Variants in SNRPN observed in about 807,000 individuals in gnomAD.
The protein encoded by SNRPN is small nuclear ribonucleoprotein polypeptide N.
In SNRPN, 7 loss-of-function variants were observed where a neutral mutation model predicts 25.2. The observed-to-expected ratio is 0.28, with a 90% CI of 0.16 to 0.52. SNRPN has a LOEUF of 0.52. SNRPN is among the 20% of genes least tolerant of loss of function. The pLI is 0.96. For synonymous variants in SNRPN, 124 were observed against 110.6 expected (o/e 1.12, Z -0.76); for missense variants, 196 against 322.5 (o/e 0.61, Z 3.00).
intron 3 of SNRPN, among the ~76,000 whole-genome samples, chr15:24,946,319 A>T (rs2153130702): frequency 6.6e-6 from 1 of 152,236 alleles, no homozygotes; most frequent in South Asian, 2.1e-4. Flanking sequence ...AGGTGGGAGG[A>T]TAGCTTCAGC....
chr15:24,931,838 CAAAAAAAAAAAA>C (rs71127026), intron 3 of SNRPN, among the ~76,000 whole-genome samples: 13 of 42,980 alleles, frequency 3.0e-4, no homozygotes, highest in African/African-American at 1.3e-3. Context: ...GAACCTGTCT[CAAAAAAAAAAAA>C]AAAAAAAAAA....
intron 1 of SNRPN, among the ~76,000 whole-genome samples, chr15:24,859,382 C>T (rs2053771325): frequency 6.6e-6 from 1 of 152,042 alleles, no homozygotes. Context: ...AGATTGTATT[C>T]CACTAGAGGA....
chr15:24,862,941 C>T (rs1168666140), intron 1 of SNRPN, among the ~76,000 whole-genome samples: 2 of 150,814 alleles, frequency 1.3e-5, no homozygotes, highest in Non-Finnish European at 2.9e-5. Flanking sequence ...GAAGGACAGA[C>T]CATAAAGGGC....
At chr15:24,857,587 A>ATT (rs5811364) in intron 1 of SNRPN, among the ~76,000 whole-genome samples, 46 of 150,056 alleles carry the variant, frequency 3.1e-4, no homozygotes, top group South Asian at 2.1e-3. Context: ...GTATTTGGGA[A>ATT]TTTTTTTTTT....
intron 1 of SNRPN, among the ~76,000 whole-genome samples, chr15:24,874,077 A>G (rs12905293): frequency 6.6e-6 from 1 of 151,554 alleles, no homozygotes; most frequent in African/African-American, 2.4e-5. Flanking sequence ...TTGGGAGGCC[A>G]AGGCTGGCAG....
chr15:24,931,550 C>T (rs1402344311), intron 3 of SNRPN, among the ~76,000 whole-genome samples: 1 of 151,480 alleles, frequency 6.6e-6, no homozygotes, highest in Non-Finnish European at 1.5e-5. Flanking sequence ...ACATCAAGAC[C>T]TAGGCTGGGC....
At chr15:24,850,670 C>T (rs949465718) in intron 2 of SNRPN, 1 of 152,174 alleles carries the variant, frequency 6.6e-6, no homozygotes, top group African/African-American at 2.4e-5. Context: ...CTTCCTTCAT[C>T]AAGGGAGCAA....
chr15:24,903,481 G>T (rs544031701), intron 2 of SNRPN, among the ~76,000 whole-genome samples: 13 of 152,244 alleles, frequency 8.5e-5, no homozygotes, highest in Admixed American at 6.5e-4. Context: ...AAGGAAAACG[G>T]TCAAAAACTT....
chr15:24,833,836 T>G (rs763640373), intron 2 of SNRPN, among the ~76,000 whole-genome samples: 1 of 152,078 alleles, frequency 6.6e-6, no homozygotes, highest in African/African-American at 2.4e-5. Flanking sequence ...ACGGTAGGTG[T>G]GTCTGGGCTG....
intron 1 of SNRPN, among the ~76,000 whole-genome samples, chr15:24,956,144 A>T (rs1161535827): frequency 1.3e-5 from 2 of 152,116 alleles, no homozygotes; most frequent in East Asian, 3.9e-4. Context: ...GACTGGAATG[A>T]TGTGCAGAAC....
intron 2 of SNRPN, chr15:24,909,268 A>G (rs560890008): frequency 1.4e-5 from 23 of 1,599,488 alleles, no homozygotes; most frequent in Middle Eastern, 1.7e-4. Context: ...CCTTGCTTTC[A>G]GAACCATAAC....
At chr15:24,832,122 C>T (rs550697743) in intron 2 of SNRPN, among the ~76,000 whole-genome samples, 1 of 151,856 alleles carries the variant, frequency 6.6e-6, no homozygotes, top group African/African-American at 2.4e-5. Flanking sequence ...TTCCCACCGA[C>T]AGTACACATG....
At chr15:24,881,460 GGC>G (rs2056594176) in intron 1 of SNRPN, among the ~76,000 whole-genome samples, 1 of 151,514 alleles carries the variant, frequency 6.6e-6, no homozygotes. Context: ...GAACCTGGGA[GGC>G]AGAGGTTGCA....
intron 1 of SNRPN, among the ~76,000 whole-genome samples, chr15:24,868,787 A>G (rs946389995): frequency 6.6e-6 from 1 of 152,208 alleles, no homozygotes; most frequent in Admixed American, 6.5e-5. Context: ...ATATGCATTA[A>G]TTTAGACACA....
intron 7 of SNRPN, among the ~76,000 whole-genome samples, chr15:24,977,504 G>A (rs559056940): frequency 6.6e-6 from 1 of 152,060 alleles, no homozygotes; most frequent in Admixed American, 6.5e-5. Flanking sequence ...GCTGTGTGTG[G>A]TGGTGGGTGC....
chr15:24,848,844 T>G (rs967363887), intron 2 of SNRPN: 5 of 152,072 alleles, frequency 3.3e-5, no homozygotes, highest in African/African-American at 1.2e-4. Context: ...ATACCGTGTT[T>G]TAAGAAAAAA....
intron 3 of SNRPN, among the ~76,000 whole-genome samples, chr15:24,923,340 G>T (rs914677073): frequency 1.3e-5 from 2 of 152,148 alleles, no homozygotes; most frequent in African/African-American, 4.8e-5. Context: ...TCTGTAACTG[G>T]TAGTGGAATT....
intron 3 of SNRPN, among the ~76,000 whole-genome samples, chr15:24,972,072 G>A (rs142697035): frequency 2.3e-3 from 344 of 152,104 alleles, no homozygotes; most frequent in African/African-American, 7.9e-3. Context: ...CCTGGCCAAC[G>A]TAGCGAAATT....
chr15:24,971,011 C>T (rs2554428), intron 3 of SNRPN, among the ~76,000 whole-genome samples: 47,784 of 152,000 alleles, frequency 0.31, 7,906 homozygotes, highest in East Asian at 0.52. Flanking sequence ...CATGGTGTGT[C>T]TCATTTGCTA....
Sources: allele counts gnomAD v4.1 joint callset (sites outside exome capture counted in the v4.1 genomes callset), GRCh38; gene constraint gnomAD v4.1.1; transcripts MANE v1.5; gene names NCBI Gene and HGNC (gene_info 2026-07-23, HGNC 2026-07-21).